The following ARFGEF1 variants were observed in gnomAD, a reference collection of about 807,000 sequenced individuals.
ARFGEF1 encodes the protein ARF guanine nucleotide exchange factor 1.
In ARFGEF1, 42 loss-of-function variants were observed where a neutral mutation model predicts 231.0. The ratio of observed to expected loss-of-function variants is 0.18; its 90% CI spans 0.14 to 0.24. The LOEUF (loss-of-function observed/expected upper bound fraction) is 0.24. ARFGEF1 is among the 10% of genes least tolerant of loss of function. The pLI is 1.00. For synonymous variants in ARFGEF1, 710 were observed against 732.3 expected (o/e 0.97, Z 0.49); for missense variants, 1,345 against 2,192.0 (o/e 0.61, Z 7.72).
At chr8:67,235,174 T>A (rs1298530342) in intron 22 of ARFGEF1, among the ~76,000 whole-genome samples, 1 of 149,874 alleles carries the variant, frequency 6.7e-6, no homozygotes, top group Non-Finnish European at 1.5e-5. Context: ...TCATTAATAA[T>A]AAAATATTTA....
In ARFGEF1 at chr8:67,266,038, T is replaced by A. The variant is rs1366799626; in HGVS notation, c.2091A>T (p.Gln697His). ...TCCCTTGTTCTATTATTTCTTTTTG[T>A]TGCTTTAGGACCTCAAATTGTTCTG... ...DNPEQFEVLKQQKEIIEQGID... is the reference protein window; with the variant it reads ...DNPEQFEVLKHQKEIIEQGID... Residue 697 changes from glutamine (Q) to histidine (H), a missense_variant, in exon 14 of 39, where the codon CAA becomes CAT. This residue lies in a region of ARFGEF1 where 105 missense variants were observed against 159.3 expected (regional missense o/e 0.66). Coordinates refer to ENST00000262215, the MANE Select transcript of ARFGEF1 (RefSeq NM_006421.5). 1.2e-6 allele frequency: 2 copies of A among 1,613,894 alleles called. No homozygotes were observed. The highest frequency in any genetic ancestry group is 1.7e-6 in the Non-Finnish European group (2 of 1,179,816).
intron 17 of ARFGEF1, among the ~76,000 whole-genome samples, chr8:67,255,650 C>T (rs762932189): frequency 3.9e-5 from 6 of 152,302 alleles, no homozygotes; most frequent in Non-Finnish European, 7.4e-5. Flanking sequence ...GCCAAGATCA[C>T]GGGTACAATT....
downstream of ARFGEF1, among the ~76,000 whole-genome samples, chr8:67,193,054 T>C (rs1836843457): frequency 6.6e-6 from 1 of 152,244 alleles, no homozygotes; most frequent in Admixed American, 6.5e-5. Context: ...ACGTGCTCTA[T>C]ATTTTCATGT....
intron 1 of ARFGEF1, among the ~76,000 whole-genome samples, chr8:67,313,909 G>A (rs923914567): frequency 6.6e-6 from 1 of 152,168 alleles, no homozygotes; most frequent in African/African-American, 2.4e-5. Flanking sequence ...AGGTGGGTCT[G>A]AGCTCAGACT....
At chr8:67,231,002 T>A (rs1292043757) in intron 23 of ARFGEF1, among the ~76,000 whole-genome samples, 1 of 152,012 alleles carries the variant, frequency 6.6e-6, no homozygotes, top group Non-Finnish European at 1.5e-5. Flanking sequence ...CATACAAAAA[T>A]TTTTTTCTTT....
At position 67,335,174 on chromosome 8, in the gene ARFGEF1, C is replaced by T. The variant is rs190903622; in HGVS notation, c.124+7990G>A. ...AGGCTGGAGTGCAGTGGCGCAATCT[C>T]GGCTCACTGCAAGCTCCGCCTCCCG... On this transcript the variant is annotated intron_variant, in intron 1 of 38. Transcript: ENST00000262215. Among the ~76,000 whole-genome samples, 200 of 146,288 alleles carry T rather than the reference C, an allele frequency of 1.4e-3. 2 individuals carry two copies. Among genetic ancestry groups the T allele is most frequent in the African/African-American group, 4.9e-3 (192 of 39,174 alleles).
At chr8:67,175,288 T>A (rs767905675), downstream of ARFGEF1, 14 of 1,600,440 alleles carry the variant, frequency 8.7e-6, no homozygotes, top group East Asian at 3.1e-4. Context: ...ACATATTTTT[T>A]ATACCAGATT....
At chr8:67,333,173 T>G (rs1316715400) in intron 1 of ARFGEF1, among the ~76,000 whole-genome samples, 1 of 151,938 alleles carries the variant, frequency 6.6e-6, no homozygotes, top group African/African-American at 2.4e-5. Context: ...GCAGCTGGAC[T>G]ACAGGCACGC....
intron 34 of ARFGEF1, chr8:67,206,985 T>C (rs897520186): frequency 9.9e-5 from 15 of 152,246 alleles, no homozygotes; most frequent in African/African-American, 3.6e-4. Flanking sequence ...TTTATTCTTA[T>C]TGAGATCATT....
chr8:67,333,977 A>C (rs1808222657), intron 1 of ARFGEF1, among the ~76,000 whole-genome samples: 1 of 151,992 alleles, frequency 6.6e-6, no homozygotes, highest in Non-Finnish European at 1.5e-5. Flanking sequence ...TCTCTACTAA[A>C]AATACAAAAT....
At chr8:67,210,154 C>CA (rs59530693) in intron 34 of ARFGEF1, among the ~76,000 whole-genome samples, 5,439 of 53,438 alleles carry the variant, frequency 0.1, 292 homozygotes, top group African/African-American at 0.14. Context: ...GACTCCGTCT[C>CA]AAAAAAAAAA....
chr8:67,244,266 A>AAAAAAAAAAAAAAAAAAAAACAAAAC (rs1563860748), intron 19 of ARFGEF1, among the ~76,000 whole-genome samples: 3 of 17,208 alleles, frequency 1.7e-4, no homozygotes, highest in African/African-American at 8.8e-4. Context: ...AAAAAAAAAA[A>AAAAAAAAAAAAAAAAAAAAACAAAAC]AACATTCGAC....
At chr8:67,265,939 G>A (rs1010372834) in intron 14 of ARFGEF1, 67 bp downstream of exon 14, 49 of 1,473,686 alleles carry the variant, frequency 3.3e-5, no homozygotes, top group Non-Finnish European at 4.1e-5. Context: ...ATAAACCCAC[G>A]GCAGGGGTGG....
chr8:67,183,043 T>C (rs1327592934), intron 5 of ARFGEF1, among the ~76,000 whole-genome samples: 1 of 152,250 alleles, frequency 6.6e-6, no homozygotes, highest in African/African-American at 2.4e-5. Context: ...TAAGACATCG[T>C]TGCCAAATCC....
chr8:67,310,091 C>G (rs1237249808), intron 1 of ARFGEF1, among the ~76,000 whole-genome samples: 1 of 151,806 alleles, frequency 6.6e-6, no homozygotes, highest in East Asian at 1.9e-4. Context: ...GAATCGCTCC[C>G]CTCTCCCTCT....
intron 5 of ARFGEF1, among the ~76,000 whole-genome samples, chr8:67,190,236 C>T (rs987894009): frequency 6.6e-6 from 1 of 152,184 alleles, no homozygotes; most frequent in African/African-American, 2.4e-5. Context: ...GAGTATTATT[C>T]AGCAGTAAAA....
intron 1 of ARFGEF1, among the ~76,000 whole-genome samples, chr8:67,317,425 A>G (rs779008415): frequency 9.9e-5 from 15 of 152,178 alleles, no homozygotes; most frequent in Non-Finnish European, 1.5e-4. Flanking sequence ...CTCCAGAACC[A>G]AATTATGATG....
intron 14 of ARFGEF1, among the ~76,000 whole-genome samples, chr8:67,262,088 T>C (rs554021567): frequency 1.5e-3 from 224 of 152,312 alleles, no homozygotes; most frequent in Middle Eastern, 6.8e-3. Context: ...TGTAGAGAGA[T>C]ACTTCTGTTG....
At chr8:67,327,581 A>G (rs997511602) in intron 1 of ARFGEF1, among the ~76,000 whole-genome samples, 2 of 152,104 alleles carry the variant, frequency 1.3e-5, no homozygotes, top group African/African-American at 4.8e-5. Flanking sequence ...CAGCCTCCCA[A>G]AGTGCTGGGA....
Sources: gnomAD v4.1 joint callset for allele counts (sites outside exome capture counted in the v4.1 genomes callset) on GRCh38, gnomAD v4.1.1 for gene constraint, gnomAD v4.1.1 regional missense constraint, MANE v1.5 for transcripts, NCBI Gene and HGNC (gene_info 2026-07-23, HGNC 2026-07-21) for gene names.